Variants in ZNRF1 observed in about 807,000 individuals in gnomAD.
ZNRF1 encodes E3 ubiquitin-protein ligase ZNRF1.
In ZNRF1, 3 loss-of-function variants were observed where a neutral mutation model predicts 18.4. The ratio of observed to expected loss-of-function variants is 0.16; its 90% CI spans 0.07 to 0.42. The LOEUF is 0.42. ZNRF1 is among the 10% of genes least tolerant of loss of function. The pLI is 0.99. For missense variants in ZNRF1, 310 were observed against 329.8 expected, an observed-to-expected ratio of 0.94 and a Z score of 0.47; for synonymous variants, 157 against 144.2, an observed-to-expected ratio of 1.09 and a Z score of -0.64.
At chr16:75,101,164 G>A (rs2036250496) in intron 2 of ZNRF1, among the ~76,000 whole-genome samples, 1 of 152,196 alleles carries the variant, frequency 6.6e-6, no homozygotes, top group Admixed American at 6.5e-5. Context: ...AAACTCCTGA[G>A]TTCAGGTGAT....
intron 1 of ZNRF1, among the ~76,000 whole-genome samples, chr16:75,068,364 A>G (rs2035829291): frequency 6.6e-6 from 1 of 151,970 alleles, no homozygotes; most frequent in African/African-American, 2.4e-5. Context: ...ACCCTGTCTC[A>G]AAAAAATCAT....
At chr16:75,060,963 C>A (rs2035736857) in intron 1 of ZNRF1, among the ~76,000 whole-genome samples, 1 of 152,066 alleles carries the variant, frequency 6.6e-6, no homozygotes, top group African/African-American at 2.4e-5. Flanking sequence ...CTTCAGGGGA[C>A]ACTAACGAAT....
intron 1 of ZNRF1, among the ~76,000 whole-genome samples, chr16:75,016,927 G>A (rs374334129): frequency 3.4e-4 from 52 of 152,230 alleles, no homozygotes; most frequent in East Asian, 3.3e-3. Flanking sequence ...ATCTTTCTAA[G>A]GGACAAATAA....
intron 2 of ZNRF1, among the ~76,000 whole-genome samples, chr16:75,101,171 T>TG (rs1191550238): frequency 1.3e-5 from 2 of 152,186 alleles, no homozygotes; most frequent in Admixed American, 6.5e-5. Context: ...TGAGTTCAGG[T>TG]GATCCATCTG....
Position 74,999,557 on chromosome 16 carries a change from G to T in ZNRF1, c.-115G>T. On this transcript the variant is annotated 5_prime_UTR_variant, in exon 1 of 5. Coordinates refer to ENST00000335325, the MANE Select transcript of ZNRF1 (RefSeq NM_032268.5). ...TTGCTTTTTTTCCTTTTCTCCCTCC[G>T]GGTCTCCTTTTTGACTCCCTCCCCC... 1.4e-6 allele frequency: 1 copy of T among 729,460 alleles called. No individual in the cohort carries two copies. The highest frequency in any genetic ancestry group is 1.9e-6 in the Non-Finnish European group (1 of 523,974). 45.2% of individuals were successfully genotyped at this position (729,460 alleles called of 1,614,324 possible).
At chr16:75,050,896 A>AC (rs2035590319) in intron 1 of ZNRF1, among the ~76,000 whole-genome samples, 1 of 106,002 alleles carries the variant, frequency 9.4e-6, no homozygotes, top group African/African-American at 4.5e-5. Flanking sequence ...AAACAAAAAA[A>AC]AACAAAAAAC....
At chr16:75,046,537 C>CTGT (rs1417044254) in intron 1 of ZNRF1, among the ~76,000 whole-genome samples, 4 of 152,086 alleles carry the variant, frequency 2.6e-5, no homozygotes, top group African/African-American at 9.7e-5. Context: ...AGGCGTGAGC[C>CTGT]ACCACACCCA....
At chr16:75,102,600 AATATTC>A (rs373492645) in intron 2 of ZNRF1, among the ~76,000 whole-genome samples, 17 of 152,220 alleles carry the variant, frequency 1.1e-4, no homozygotes, top group African/African-American at 3.9e-4. Context: ...CTGCCCTTCA[AATATTC>A]ATGTCGGCCT....
intron 1 of ZNRF1, among the ~76,000 whole-genome samples, chr16:75,063,754 A>C (rs569085434): frequency 5.2e-4 from 79 of 152,198 alleles, no homozygotes; most frequent in African/African-American, 1.9e-3. Flanking sequence ...AAGCTCTGTG[A>C]GTGGAAGACT....
chr16:75,025,367 CTATTT>C (rs2035207793), intron 1 of ZNRF1, among the ~76,000 whole-genome samples: 1 of 152,118 alleles, frequency 6.6e-6, no homozygotes, highest in African/African-American at 2.4e-5. Context: ...CACGCCTGGC[CTATTT>C]TATTTTGTTT....
At chr16:75,066,631 T>C (rs1189253748) in intron 1 of ZNRF1, among the ~76,000 whole-genome samples, 1 of 152,060 alleles carries the variant, frequency 6.6e-6, no homozygotes, top group Non-Finnish European at 1.5e-5. Flanking sequence ...GCCTCCTGAG[T>C]AGTTGGGATT....
chr16:75,101,142 C>G (rs2036250172), intron 2 of ZNRF1, among the ~76,000 whole-genome samples: 1 of 152,202 alleles, frequency 6.6e-6, no homozygotes, highest in Admixed American at 6.5e-5. Context: ...CCATGTTGGC[C>G]AGGCTGGTCT....
At chr16:75,093,444 G>A (rs2036163949) in intron 1 of ZNRF1, 128 bp from the exon 2 acceptor site, 5 of 701,158 alleles carry the variant, frequency 7.1e-6, no homozygotes, top group Non-Finnish European at 1.3e-5. Context: ...ACAGGTCCAG[G>A]GTCTGTTCTG....
rs950323802 is a variant in ZNRF1 at position 75,001,366 on chromosome 16, G to A, written c.424+1271G>A. Among the ~76,000 whole-genome samples, 16 of 152,222 alleles carry A rather than the reference G, an allele frequency of 1.1e-4. No individual in the cohort carries two copies. In the East Asian group the frequency reaches 2.5e-3, roughly 24 times the overall value. On this transcript the variant is annotated intron_variant, in intron 1 of 4. Coordinates refer to ENST00000335325, the MANE Select transcript of ZNRF1 (RefSeq NM_032268.5). Reference sequence around the variant, plus strand: ...TAATTTGTGAAATAGTGTTGGGGGAGAAACGATTAGTGACTAATTTAGGGT... The same window carrying A: ...TAATTTGTGAAATAGTGTTGGGGGAAAAACGATTAGTGACTAATTTAGGGT...
At chr16:75,107,535 A>G (rs374108067) in intron 4 of ZNRF1, 198 bp from the exon 5 acceptor site, 1 of 343,564 alleles carries the variant, frequency 2.9e-6, no homozygotes, top group Admixed American at 3.9e-5. Flanking sequence ...GGGAGAAGAA[A>G]GAGCCAGGGG....
At chr16:75,029,090 T>TTG (rs1555510424) in intron 1 of ZNRF1, among the ~76,000 whole-genome samples, 7,434 of 151,386 alleles carry the variant, frequency 0.049, 577 homozygotes, top group African/African-American at 0.16. Context: ...TTTTTTTTTT[T>TTG]GCTACAACTC....
chr16:75,078,516 C>A (rs926779336), intron 1 of ZNRF1, among the ~76,000 whole-genome samples: 23 of 152,210 alleles, frequency 1.5e-4, no homozygotes, highest in Non-Finnish European at 3.1e-4. Context: ...TCAGGCTGGT[C>A]TCGAACTCCC....
intron 1 of ZNRF1, among the ~76,000 whole-genome samples, chr16:75,079,444 C>T (rs2035983761): frequency 6.6e-6 from 1 of 152,180 alleles, no homozygotes; most frequent in African/African-American, 2.4e-5. Flanking sequence ...CATGTCACTG[C>T]ACTCCAGCCT....
intron 1 of ZNRF1, among the ~76,000 whole-genome samples, chr16:75,023,733 C>T (rs118017851): frequency 6.6e-6 from 1 of 151,958 alleles, no homozygotes; most frequent in East Asian, 1.9e-4. Context: ...CCAGCCTGGG[C>T]CCCAACAAGC....
Sources: allele counts gnomAD v4.1 joint callset (sites outside exome capture counted in the v4.1 genomes callset), GRCh38; gene constraint gnomAD v4.1.1; transcripts MANE v1.5; gene names NCBI Gene and HGNC (gene_info 2026-07-23, HGNC 2026-07-21).